Variants in SKAP1 observed in about 807,000 individuals in gnomAD.
SKAP1 encodes the protein src kinase associated phosphoprotein 1, also known as src kinase-associated phosphoprotein 1.
Under a neutral mutation model 58.5 loss-of-function variants are expected in SKAP1, and 44 were observed. The ratio of observed to expected loss-of-function variants is 0.75; its 90% CI spans 0.59 to 0.97. The LOEUF (loss-of-function observed/expected upper bound fraction) is 0.97, where lower values mean the gene tolerates loss of function less well. SKAP1 is among the 50% of genes least tolerant of loss of function. The probability of loss-of-function intolerance (pLI) is 0.00; values close to 1 mark genes in which losing one functional copy is unlikely to be tolerated. For missense variants in SKAP1, 390 were observed against 435.2 expected (o/e 0.90, Z 0.92); for synonymous variants, 127 against 149.7 (o/e 0.85, Z 1.11).
intron 2 of SKAP1, among the ~76,000 whole-genome samples, chr17:48,376,181 C>T (rs2067148247): frequency 1.3e-5 from 2 of 152,130 alleles, no homozygotes; most frequent in African/African-American, 4.8e-5. Context: ...TACTCTTCGA[C>T]CACTGAGACG....
intron 3 of SKAP1, 111 bp from the exon 4 acceptor site, chr17:48,346,117 G>C (rs955407042): frequency 3.6e-6 from 2 of 560,100 alleles, no homozygotes; most frequent in African/African-American, 3.9e-5. Context: ...CGAAAAAAAA[G>C]TGTATCTTTT....
At chr17:48,375,106 A>T (rs2067135982) in intron 2 of SKAP1, among the ~76,000 whole-genome samples, 2 of 152,240 alleles carry the variant, frequency 1.3e-5, no homozygotes, top group Non-Finnish European at 2.9e-5. Flanking sequence ...GACAATAGGC[A>T]TATAACTCAA....
At chr17:48,359,378 C>T (rs2066910414) in intron 3 of SKAP1, among the ~76,000 whole-genome samples, 1 of 152,040 alleles carries the variant, frequency 6.6e-6, no homozygotes, top group South Asian at 2.1e-4. Context: ...CACTGCTACA[C>T]CTAAAAAAAT....
intron 4 of SKAP1, among the ~76,000 whole-genome samples, chr17:48,329,568 G>C (rs1478095949): frequency 6.6e-6 from 1 of 152,146 alleles, no homozygotes; most frequent in South Asian, 2.1e-4. Context: ...TTAGCCGGGC[G>C]TGGCGGCAGG....
chr17:48,417,985 A>AAAC (rs578084300), intron 1 of SKAP1, among the ~76,000 whole-genome samples: 1 of 152,146 alleles, frequency 6.6e-6, no homozygotes. Context: ...TGGTAAAAAA[A>AAAC]AACAACAACA....
chr17:48,306,551 C>T (rs2144154984), intron 4 of SKAP1, among the ~76,000 whole-genome samples: 1 of 152,248 alleles, frequency 6.6e-6, no homozygotes, highest in Middle Eastern at 3.4e-3. Flanking sequence ...AATAATATAT[C>T]TTGCAACAAA....
At chr17:48,215,946 G>A (rs2064934299) in intron 4 of SKAP1, among the ~76,000 whole-genome samples, 2 of 152,178 alleles carry the variant, frequency 1.3e-5, no homozygotes, top group African/African-American at 4.8e-5. Flanking sequence ...CCTCCATGTA[G>A]CCCTTTACTC....
At chr17:48,376,731 A>G (rs1259186004) in intron 2 of SKAP1, among the ~76,000 whole-genome samples, 1 of 152,202 alleles carries the variant, frequency 6.6e-6, no homozygotes, top group Admixed American at 6.5e-5. Flanking sequence ...TCTGTGAGGG[A>G]CTAAGAGCAC....
chr17:48,342,972 G>A (rs539504089), intron 4 of SKAP1, among the ~76,000 whole-genome samples: 4 of 152,104 alleles, frequency 2.6e-5, no homozygotes, highest in Non-Finnish European at 4.4e-5. Context: ...GTGACAGAGC[G>A]AAACTCTGTC....
Position 48,200,908 on chromosome 17 carries a change from C to T in SKAP1, c.281-11408G>A, listed in dbSNP as rs936976649. Among the ~76,000 whole-genome samples the T allele has an allele frequency of 6.6e-5, 10 of 152,246 alleles. No homozygotes were observed. The South Asian group carries it at 8.3e-4, about 13-fold the overall frequency. ...AGGGGCCTCGTACACACAGTAGGTA[C>T]CCAATAATGTTTGTTAAACTGAACT... is the stretch of plus-strand genomic sequence containing the variant. On this transcript the variant is annotated intron_variant, in intron 4 of 12. Coordinates refer to ENST00000336915, the MANE Select transcript of SKAP1 (RefSeq NM_003726.4).
At chr17:48,183,749 G>A (rs1005797159) in intron 7 of SKAP1, among the ~76,000 whole-genome samples, 13 of 151,984 alleles carry the variant, frequency 8.6e-5, no homozygotes, top group Admixed American at 7.9e-4. Context: ...CTATAGAAAA[G>A]TTTTAGTTCA....
At chr17:48,409,603 G>A (rs1000268779) in intron 1 of SKAP1, among the ~76,000 whole-genome samples, 3 of 150,940 alleles carry the variant, frequency 2.0e-5, no homozygotes, top group African/African-American at 7.3e-5. Context: ...GGGAGGCATA[G>A]GTTGCAGTGA....
chr17:48,174,208 A>G (rs1021417764), intron 9 of SKAP1, among the ~76,000 whole-genome samples: 2 of 152,216 alleles, frequency 1.3e-5, no homozygotes, highest in Admixed American at 1.3e-4. Context: ...ACTAAGCTCT[A>G]CGATGATGGA....
At chr17:48,152,845 T>C (rs560582216) in intron 11 of SKAP1, among the ~76,000 whole-genome samples, 9 of 152,352 alleles carry the variant, frequency 5.9e-5, no homozygotes, top group African/African-American at 2.2e-4. Flanking sequence ...TTGTTATAAA[T>C]TCACTGCAAA....
intron 6 of SKAP1, 117 bp from the exon 7 acceptor site, chr17:48,184,964 C>A: frequency 1.0e-6 from 1 of 981,666 alleles, no homozygotes; most frequent in Non-Finnish European, 1.5e-6. Flanking sequence ...TGAGGAACCA[C>A]AATAGTCAAG....
intron 9 of SKAP1, 43 bp from the exon 10 acceptor site, chr17:48,170,702 G>T: frequency 2.8e-6 from 4 of 1,449,014 alleles, no homozygotes; most frequent in East Asian, 2.3e-5. Context: ...GTGGTTCACA[G>T]TCTCATGTTC....
intron 11 of SKAP1, among the ~76,000 whole-genome samples, chr17:48,149,800 C>A (rs1013684938): frequency 6.6e-6 from 1 of 152,124 alleles, no homozygotes; most frequent in Non-Finnish European, 1.5e-5. Flanking sequence ...ACTCCTTTTT[C>A]TTTTAAATTA....
At chr17:48,356,880 C>T (rs1262277523) in intron 3 of SKAP1, among the ~76,000 whole-genome samples, 3 of 152,120 alleles carry the variant, frequency 2.0e-5, no homozygotes, top group Non-Finnish European at 4.4e-5. Context: ...AATAAAAACA[C>T]GTGTGCTTGT....
At chr17:48,272,471 G>A (rs776846025) in intron 4 of SKAP1, among the ~76,000 whole-genome samples, 4 of 152,052 alleles carry the variant, frequency 2.6e-5, no homozygotes, top group African/African-American at 7.2e-5. Flanking sequence ...GAATTGTTGC[G>A]ATTGCCATTA....
Sources: allele counts gnomAD v4.1 joint callset (sites outside exome capture counted in the v4.1 genomes callset), GRCh38; gene constraint gnomAD v4.1.1; transcripts MANE v1.5; gene names NCBI Gene and HGNC (gene_info 2026-07-23, HGNC 2026-07-21).